SLC37A3: variants seen among roughly 807,000 people sequenced by gnomAD.
SLC37A3 encodes the protein solute carrier family 37 member 3.
SLC37A3 carries 51 observed loss-of-function variants against 67.1 expected under a neutral mutation model. The ratio of observed to expected loss-of-function variants is 0.76; its 90% CI spans 0.61 to 0.96. SLC37A3 has a LOEUF of 0.96. Ranked by LOEUF, SLC37A3 falls within the 40% of genes least tolerant of loss-of-function variation. SLC37A3 has a pLI of 0.00. For missense variants in SLC37A3, 508 were observed against 603.0 expected, an observed-to-expected ratio of 0.84 and a Z score of 1.65; for synonymous variants, 214 against 231.4, an observed-to-expected ratio of 0.92 and a Z score of 0.68.
chr7:140,356,929 C>T (rs549158168), intron 6 of SLC37A3, among the ~76,000 whole-genome samples: 1 of 151,998 alleles, frequency 6.6e-6, no homozygotes, highest in Non-Finnish European at 1.5e-5. Context: ...AAATGGTAAA[C>T]GCAGCCAGGC....
rs1797547848 is a variant in SLC37A3, at chr7:140,365,142, C to T, written c.292-651G>A. Reference sequence around the variant, plus strand: ...GACAGGTTCTGCCTTCTGCTCTCCTCCCACTGAGTGGCAGGAATTAAAATG... The same window carrying T: ...GACAGGTTCTGCCTTCTGCTCTCCTTCCACTGAGTGGCAGGAATTAAAATG... On this transcript the variant is annotated intron_variant, in intron 4 of 14. Coordinates refer to ENST00000326232, the MANE Select transcript of SLC37A3 (RefSeq NM_207113.3). 8.5e-5 allele frequency among the ~76,000 whole-genome samples: 13 copies of T among 152,254 alleles called. No homozygotes were observed. The South Asian group carries it at 2.7e-3, about 32-fold the overall frequency.
chr7:140,380,318 TG>T lies in SLC37A3; in HGVS notation c.161del (p.Pro54GlnfsTer56). The T allele has an allele frequency of 6.2e-7, 1 of 1,613,384 alleles. No homozygotes were observed. The highest frequency in any genetic ancestry group is 1.3e-5 in the African/African-American group (1 of 75,014). On this transcript the variant is annotated frameshift_variant, in exon 3 of 15. Coordinates refer to ENST00000326232, the MANE Select transcript of SLC37A3 (RefSeq NM_207113.3). LOFTEE classifies it high-confidence loss of function. ...GCTCAACTGACGTGTTAAAAGCACT[TG>T]GGGTCCACTGCTCAGAGATACTGAC... ...VKVSISEQWT[P>X]SAFNTSVELP...
Position 140,345,487 on chromosome 7 carries a change from TC to T in SLC37A3, c.1127-225del, listed in dbSNP as rs1224576972. Among the ~76,000 whole-genome samples, 3 of 150,824 alleles carry T rather than the reference TC, an allele frequency of 2.0e-5. No homozygotes were observed. The East Asian group carries it at 5.9e-4, about 30-fold the overall frequency. ...TCTAAAAGCTAAAGAAAAGCTCTAC[TC>T]CTGTCTCAGCAGCATCTTAAGGGAA... is the stretch of plus-strand genomic sequence containing the variant. On this transcript the variant is annotated intron_variant, in intron 11 of 14. Transcript: ENST00000326232.
chr7:140,397,216 CAG>C (rs1183384135), intron 1 of SLC37A3, among the ~76,000 whole-genome samples: 1 of 145,290 alleles, frequency 6.9e-6, no homozygotes, highest in Non-Finnish European at 1.5e-5. Flanking sequence ...AAAAAAAAGA[CAG>C]AGTCTGGCTC....
At chr7:140,370,878 A>G (rs1797790275) in intron 3 of SLC37A3, among the ~76,000 whole-genome samples, 1 of 152,170 alleles carries the variant, frequency 6.6e-6, no homozygotes, top group African/African-American at 2.4e-5. Flanking sequence ...TGCCCTAGAG[A>G]GGCCACTCAT....
At chr7:140,364,169 T>G (rs1433607145) in intron 5 of SLC37A3, among the ~76,000 whole-genome samples, 1 of 151,352 alleles carries the variant, frequency 6.6e-6, no homozygotes, top group Admixed American at 6.6e-5. Context: ...CAGAATCGCT[T>G]GAACATGGGA....
At chr7:140,382,758 AT>A (rs1798307357) in intron 1 of SLC37A3, among the ~76,000 whole-genome samples, 162 bp from the exon 2 acceptor site, 1 of 150,072 alleles carries the variant, frequency 6.7e-6, no homozygotes, top group Admixed American at 6.6e-5. Flanking sequence ...TGTTAAAGCT[AT>A]TAGGTAGTTC....
At chr7:140,354,974 G>T (rs1796964013) in intron 7 of SLC37A3, among the ~76,000 whole-genome samples, 1 of 151,852 alleles carries the variant, frequency 6.6e-6, no homozygotes, top group Admixed American at 6.6e-5. Context: ...TGAACTCCTG[G>T]GCTCAAGTGA....
intron 1 of SLC37A3, among the ~76,000 whole-genome samples, chr7:140,383,671 C>T (rs757665356): frequency 6.6e-6 from 1 of 151,822 alleles, no homozygotes; most frequent in South Asian, 2.1e-4. Flanking sequence ...TCCACTACTT[C>T]CAGTGGCTTT....
At chr7:140,362,424 G>T (rs1296564682) in intron 5 of SLC37A3, among the ~76,000 whole-genome samples, 11 of 147,372 alleles carry the variant, frequency 7.5e-5, no homozygotes, top group Admixed American at 5.3e-4. Context: ...GAGGTGGGGG[G>T]GGGGGTCAGC....
At chr7:140,351,614 A>G (rs1299287544) in intron 8 of SLC37A3, 163 bp from the exon 9 acceptor site, 1 of 642,324 alleles carries the variant, frequency 1.6e-6, no homozygotes, top group African/African-American at 1.8e-5. Context: ...AAAGTCACAC[A>G]GTCTATCTAA....
At position 140,351,422 on chromosome 7, in the gene SLC37A3, A is replaced by G; in HGVS notation, c.733T>C (p.Phe245Leu). 1 of 1,614,136 alleles carries G rather than the reference A, an allele frequency of 6.2e-7. No individual in the cohort carries two copies. The highest frequency in any genetic ancestry group is 1.3e-5 in the African/African-American group (1 of 75,034). ...AATGGCCTGTGTGAGTCTTCTTCAA[A>G]GTTTTCTTCTGCCTCAATACCCGAG... ...GLSGIEAEEN[F>L]EEDSHRPLIN... is the part of the protein sequence containing the mutation. The change falls in exon 9 of 15, where the codon TTT (phenylalanine) becomes CTT (leucine). Residue 245 changes from phenylalanine (F) to leucine (L), a missense_variant. By Grantham distance (22) the Phe-to-Leu change is conservative. Coordinates refer to ENST00000326232, the MANE Select transcript of SLC37A3 (RefSeq NM_207113.3).
intron 9 of SLC37A3, among the ~76,000 whole-genome samples, chr7:140,350,382 G>A (rs1436539173): frequency 2.6e-5 from 4 of 152,284 alleles, no homozygotes; most frequent in East Asian, 3.9e-4. Context: ...TAGTGTAGAC[G>A]TTAGAAGGCT....
Position 140,369,675 on chromosome 7 carries a change from C to T in SLC37A3, c.206G>A (p.Ser69Asn). 6.2e-7 allele frequency: 1 copy of T among 1,613,866 alleles called. No individual in the cohort carries two copies. The highest frequency in any genetic ancestry group is 1.1e-5 in the South Asian group (1 of 91,054). The change falls in exon 4 of 15, where the codon AGC becomes AAC. Residue 69 changes from serine to asparagine, a missense_variant. By Grantham distance (46) the Ser-to-Asn change is conservative. Transcript: ENST00000326232. ...TGCACTGGGGAACAAATGGTTGCTG[C>T]TCCAGATCTACAGTAAGACAGCAGG... is the stretch of plus-strand genomic sequence containing the variant. ...TSVELPVEIW[S>N]SNHLFPSAEK...
intron 1 of SLC37A3, among the ~76,000 whole-genome samples, chr7:140,383,422 G>A (rs1362488787): frequency 6.6e-6 from 1 of 152,076 alleles, no homozygotes; most frequent in East Asian, 1.9e-4. Context: ...AGTGAGCTAT[G>A]ATCACGCCAC....
chr7:140,362,944 G>T (rs1182241805), intron 5 of SLC37A3, among the ~76,000 whole-genome samples: 1 of 64,644 alleles, frequency 1.5e-5, no homozygotes, highest in Non-Finnish European at 3.6e-5. Flanking sequence ...GAGGGAGGTG[G>T]CGGGGTCAGC....
chr7:140,365,813 A>T (rs1054501061), intron 4 of SLC37A3, among the ~76,000 whole-genome samples: 7 of 151,898 alleles, frequency 4.6e-5, no homozygotes, highest in African/African-American at 1.7e-4. Flanking sequence ...TCAGCCTTAA[A>T]GTAGATTCTA....
At chr7:140,362,685 T>C (rs1433459708) in intron 5 of SLC37A3, among the ~76,000 whole-genome samples, 4 of 15,942 alleles carry the variant, frequency 2.5e-4, no homozygotes, top group Admixed American at 7.9e-4. Context: ...GGGGGGGGGG[T>C]CAGCCCCCTG....
chr7:140,352,243 A>AGGGGGGGGGGGGGGAG, intron 7 of SLC37A3, 97 bp from the exon 8 acceptor site: 1 of 319,250 alleles, frequency 3.1e-6, no homozygotes. Flanking sequence ...GGGGTGGGGG[A>AGGGGGGGGGGGGGGAG]GAGGTGGGAA....
Sources: gnomAD v4.1 joint callset for allele counts (sites outside exome capture counted in the v4.1 genomes callset) on GRCh38, gnomAD v4.1.1 for gene constraint, MANE v1.5 for transcripts, NCBI Gene and HGNC (gene_info 2026-07-23, HGNC 2026-07-21) for gene names.